The following ZNF232 variants were observed in gnomAD, a reference collection of about 807,000 sequenced individuals.
ZNF232 encodes the protein zinc finger and SCAN domain-containing protein 11.
ZNF232 carries 25 observed loss-of-function variants against 25.2 expected under a neutral mutation model. The ratio of observed to expected loss-of-function variants is 0.99; its 90% confidence interval spans 0.72 to 1.39. The LOEUF is 1.39. Among genes scored for constraint, ZNF232 ranks in the 40% most tolerant of loss-of-function variants. ZNF232 has a pLI of 0.00. For missense variants in ZNF232, 519 were observed against 520.9 expected (o/e 1.00, Z 0.04); for synonymous variants, 193 against 182.9 (o/e 1.06, Z -0.45).
At chr17:5,118,508 C>T (rs550128803) in intron 1 of ZNF232, among the ~76,000 whole-genome samples, 27 of 152,368 alleles carry the variant, frequency 1.8e-4, no homozygotes, top group Non-Finnish European at 2.5e-4. Context: ...TTACAGTGCT[C>T]TCTTAGCGCC....
chr17:5,117,917 G>T (rs1017760927), intron 1 of ZNF232, among the ~76,000 whole-genome samples: 4 of 151,864 alleles, frequency 2.6e-5, no homozygotes, highest in Admixed American at 1.3e-4. Flanking sequence ...GTGTTAGCTG[G>T]GTGTACTGGC....
chr17:5,117,408 C>T (rs1292994914), intron 1 of ZNF232, among the ~76,000 whole-genome samples: 8 of 151,160 alleles, frequency 5.3e-5, no homozygotes, highest in African/African-American at 1.9e-4. Context: ...CCCAGCTACT[C>T]AGGAGGCTGA....
At chr17:5,122,512 C>T (rs2072712348) in intron 1 of ZNF232, among the ~76,000 whole-genome samples, 2 of 152,246 alleles carry the variant, frequency 1.3e-5, no homozygotes, top group Admixed American at 1.3e-4. Flanking sequence ...AGCGGCCCGG[C>T]GGTCCTCTTA....
chr17:5,113,195 T>C, upstream of ZNF232, among the ~76,000 whole-genome samples: 1 of 152,248 alleles, frequency 6.6e-6, no homozygotes, highest in East Asian at 1.9e-4. Flanking sequence ...CTGGGGGATA[T>C]ATTATCTTTT....
At chr17:5,117,511 G>A (rs552703270) in intron 1 of ZNF232, among the ~76,000 whole-genome samples, 65 of 139,036 alleles carry the variant, frequency 4.7e-4, no homozygotes, top group Middle Eastern at 4.0e-3. Flanking sequence ...GCGAGACTCC[G>A]TCTCAAAAAA....
chr17:5,111,504 C>T, intron 1 of ZNF232: 1 of 477,932 alleles, frequency 2.1e-6, no homozygotes, highest in Non-Finnish European at 3.7e-6. Context: ...GGGCAGGTGC[C>T]CGCCCGGGGA....
Position 5,105,946 on chromosome 17 carries a change from GCTGA to G in ZNF232, c.1182_1185del (p.Gln395IlefsTer59), listed in dbSNP as rs2072249351. On this transcript the variant is annotated frameshift_variant, in exon 4 of 4. Transcript: ENST00000575898. LOFTEE classifies it low-confidence loss of function (END_TRUNC). ...TTCTCTCCACTGTGAATTCTCCGAT[GCTGA>G]CTTAGATATGAGCTTTGACTAAAGG... is the stretch of plus-strand genomic sequence containing the variant. 2 of 1,614,188 alleles carry G rather than the reference GCTGA, an allele frequency of 1.2e-6. No homozygotes were observed. The highest frequency in any genetic ancestry group is 1.7e-6 in the Non-Finnish European group (2 of 1,180,040).
exon 4 of ZNF232, chr17:5,106,279 T>C (rs2072259215): frequency 1.9e-6 from 3 of 1,614,224 alleles, no homozygotes; most frequent in Non-Finnish European, 2.5e-6. Flanking sequence ...GGAATTTCCT[T>C]ATGGATGACA....
upstream of ZNF232, among the ~76,000 whole-genome samples, chr17:5,112,699 G>A (rs1204052587): frequency 6.6e-6 from 1 of 151,752 alleles, no homozygotes; most frequent in Non-Finnish European, 1.5e-5. Flanking sequence ...TGATCCGCCC[G>A]TCTCGGCCTC....
At chr17:5,115,791 T>A (rs568842291), upstream of ZNF232, among the ~76,000 whole-genome samples, 1 of 152,276 alleles carries the variant, frequency 6.6e-6, no homozygotes, top group Non-Finnish European at 1.5e-5. Flanking sequence ...CACTCGTGCC[T>A]CACAGATGGC....
chr17:5,120,905 AG>A (rs1393962126), intron 1 of ZNF232: 5 of 454,450 alleles, frequency 1.1e-5, no homozygotes, highest in Admixed American at 7.0e-5. Flanking sequence ...TTTGGAAACC[AG>A]TTGGACCAGC....
intron 1 of ZNF232, among the ~76,000 whole-genome samples, chr17:5,120,052 G>A (rs1356310588): frequency 1.3e-5 from 2 of 152,150 alleles, no homozygotes; most frequent in African/African-American, 4.8e-5. Flanking sequence ...GGCCTTACGT[G>A]CCCTCTCCTG....
intron 1 of ZNF232, 160 bp downstream of exon 1, chr17:5,111,640 G>A: frequency 9.5e-7 from 1 of 1,053,826 alleles, no homozygotes; most frequent in Middle Eastern, 2.7e-4. Flanking sequence ...ACGCAACGCA[G>A]GTAGCGCAGC....
Position 5,121,253 on chromosome 17 carries a change from G to T in ZNF232, c.-530+1724C>A, listed in dbSNP as rs560115524. On this transcript the variant is annotated intron_variant, in intron 1 of 4. Transcript: ENST00000250076. ...CAACGTGGGTGCAGAGGGTCTTTGT[G>T]TGCAGGTGCCTTTGGGGCCCCATAG... The T allele has an allele frequency of 1.9e-5, 7 of 370,170 alleles. No homozygotes were observed. The East Asian group carries it at 2.9e-4, about 15-fold the overall frequency. The allele number at this position is 370,170 out of a possible 1,614,324, so 22.9% of individuals were successfully genotyped here.
intron 1 of ZNF232, 84 bp downstream of exon 1, chr17:5,111,716 T>G: frequency 6.2e-7 from 1 of 1,607,322 alleles, no homozygotes. Context: ...CCAGGCCTGC[T>G]CACTGCAGAG....
chr17:5,105,970 T>G, exon 4 of ZNF232: 1 of 1,614,226 alleles, frequency 6.2e-7, no homozygotes, highest in Non-Finnish European at 8.5e-7. Context: ...GAGCTTTGAC[T>G]AAAGGCCTTC....
At chr17:5,111,954 C>T (rs764506301), upstream of ZNF232, 211 of 1,366,592 alleles carry the variant, frequency 1.5e-4, no homozygotes, top group Non-Finnish European at 1.9e-4. Flanking sequence ...CGGACTTTGG[C>T]CCAGGCGCGT....
chr17:5,122,991 C>T (rs2072745033), exon 1 of ZNF232: 1 of 153,086 alleles, frequency 6.5e-6, no homozygotes, highest in South Asian at 1.9e-4. Flanking sequence ...ATCGTCCTCT[C>T]GTAGCCTTGG....
intron 1 of ZNF232, 27 bp from the exon 2 acceptor site, chr17:5,109,895 C>CT (rs113119643): frequency 0.11 from 106,407 of 1,003,436 alleles, 10 homozygotes; most frequent in Non-Finnish European, 0.12. Flanking sequence ...AATCATTCCT[C>CT]TTTTTTTTTT....
Sources: gnomAD v4.1 joint callset for allele counts (sites outside exome capture counted in the v4.1 genomes callset) on GRCh38, gnomAD v4.1.1 for gene constraint, MANE v1.5 for transcripts, NCBI Gene and HGNC (gene_info 2026-07-23, HGNC 2026-07-21) for gene names.